Variants in NBEA observed in about 807,000 individuals in gnomAD.
NBEA encodes neurobeachin.
Under a neutral mutation model 343.4 loss-of-function variants are expected in NBEA, and 44 were observed. The ratio of observed to expected loss-of-function variants is 0.13; its 90% CI spans 0.10 to 0.16. The LOEUF (loss-of-function observed/expected upper bound fraction) is 0.16, where lower values mean the gene tolerates loss of function less well. Among genes scored for constraint, NBEA ranks in the 10% least tolerant of loss-of-function variants. The probability of loss-of-function intolerance (pLI) is 1.00; values close to 1 mark genes in which losing one functional copy is unlikely to be tolerated. For missense variants in NBEA, 2,555 were observed against 3,631.3 expected (o/e 0.70, Z 7.62); for synonymous variants, 1,175 against 1,238.7 (o/e 0.95, Z 1.08).
chr13:35,597,238 G>A (rs1042479110), intron 47 of NBEA, among the ~76,000 whole-genome samples: 1 of 152,016 alleles, frequency 6.6e-6, no homozygotes, highest in African/African-American at 2.4e-5. Flanking sequence ...TATACCGTGG[G>A]GTTTTAGTGT....
chr13:34,967,137 TAGAA>T (rs934420720), intron 1 of NBEA, among the ~76,000 whole-genome samples: 2 of 151,830 alleles, frequency 1.3e-5, no homozygotes, highest in African/African-American at 4.8e-5. Flanking sequence ...TTTTTGGTGT[TAGAA>T]AGGTTTGTTA....
rs542439783 is a variant in NBEA, at chr13:35,171,439, G to A, written c.4410G>A (p.Gln1470=). 2.5e-5 allele frequency: 40 copies of A among 1,610,500 alleles called. No individual in the cohort carries two copies. In the African/African-American group the frequency reaches 4.0e-4, roughly 16 times the overall value. The change falls in exon 26 of 59, where the codon CAG becomes CAA. Residue 1470 remains glutamine (Q), a synonymous_variant. Transcript: ENST00000379939. ...KNMSSGGLMR[Q]CLRLVCCVAV... ...TGTCTTCTGGAGGTTTAATGCGACAGTGCCTAAGATTAGGTAAGTCTGTTA... is the reference window on the plus strand; with the variant it reads ...TGTCTTCTGGAGGTTTAATGCGACAATGCCTAAGATTAGGTAAGTCTGTTA...
Position 35,129,332 on chromosome 13 carries a change from G to A in NBEA, c.2336+5758G>A, listed in dbSNP as rs181950952. Among the ~76,000 whole-genome samples the A allele has an allele frequency of 2.4e-4, 37 of 151,904 alleles. 1 individual carries two copies. The East Asian group carries it at 7.2e-3, about 29-fold the overall frequency. On this transcript the variant is annotated intron_variant, in intron 17 of 58. Transcript: ENST00000379939. ...GTCAAAAATCCTATTAAATATATAG[G>A]TGTGCACACAAAAGTAAGGGAAATT...
chr13:35,519,028 C>T (rs2077594617), intron 41 of NBEA, among the ~76,000 whole-genome samples: 1 of 152,194 alleles, frequency 6.6e-6, no homozygotes, highest in Admixed American at 6.5e-5. Context: ...AAAAAGCAAG[C>T]AAACATCAAC....
chr13:35,624,268 T>G (rs2083127051), intron 48 of NBEA, among the ~76,000 whole-genome samples: 2 of 152,182 alleles, frequency 1.3e-5, no homozygotes, highest in Non-Finnish European at 2.9e-5. Flanking sequence ...ATCAGTATCA[T>G]TGTTCTACAT....
At chr13:35,355,712 C>T (rs1162735664) in intron 38 of NBEA, among the ~76,000 whole-genome samples, 1 of 152,140 alleles carries the variant, frequency 6.6e-6, no homozygotes, top group African/African-American at 2.4e-5. Flanking sequence ...TCTAGTCACC[C>T]TGGCTTCTTT....
chr13:35,601,094 T>C (rs1041516919), intron 47 of NBEA, among the ~76,000 whole-genome samples: 5 of 151,894 alleles, frequency 3.3e-5, no homozygotes, highest in African/African-American at 1.2e-4. Context: ...CAAGAATCGC[T>C]TGAACCTGGG....
intron 1 of NBEA, among the ~76,000 whole-genome samples, chr13:35,004,826 G>A (rs2061262970): frequency 6.6e-6 from 1 of 152,126 alleles, no homozygotes; most frequent in Non-Finnish European, 1.5e-5. Context: ...TTGAATTTAA[G>A]CATCGAAAAG....
Position 35,099,662 on chromosome 13 carries a change from C to T in NBEA, c.1680+1257C>T, listed in dbSNP as rs146139307. Reference sequence around the variant, plus strand: ...TTATTTTGTGCTCTTTTTCCCTGCTCTTAATATATATTATTTAAAGTAGTT... The same window carrying T: ...TTATTTTGTGCTCTTTTTCCCTGCTTTTAATATATATTATTTAAAGTAGTT... On this transcript the variant is annotated intron_variant, in intron 11 of 58. Coordinates refer to ENST00000379939, the MANE Select transcript of NBEA (RefSeq NM_001385012.1). Among the ~76,000 whole-genome samples the T allele has an allele frequency of 1.5e-3, 224 of 152,032 alleles. 1 individual carries two copies. The highest frequency in any genetic ancestry group is 4.9e-3 in the African/African-American group (205 of 41,482).
At chr13:35,325,674 C>T (rs750437647) in intron 36 of NBEA, among the ~76,000 whole-genome samples, 6 of 151,958 alleles carry the variant, frequency 3.9e-5, no homozygotes, top group Non-Finnish European at 8.8e-5. Context: ...AATGATTCTC[C>T]AAAATGCAAA....
At chr13:35,108,896 C>G (rs1469419737) in intron 11 of NBEA, among the ~76,000 whole-genome samples, 1 of 152,074 alleles carries the variant, frequency 6.6e-6, no homozygotes, top group Non-Finnish European at 1.5e-5. Flanking sequence ...CAGTATTTTA[C>G]ATATTTTTAA....
At chr13:35,047,681 G>A (rs1041730219) in intron 4 of NBEA, among the ~76,000 whole-genome samples, 2 of 151,642 alleles carry the variant, frequency 1.3e-5, no homozygotes, top group African/African-American at 4.8e-5. Context: ...GTTTGTTGGA[G>A]CCATAGCACG....
rs190475845 is a variant in NBEA at position 35,333,790 on chromosome 13, G to A, written c.5904-15318G>A. Among the ~76,000 whole-genome samples, 12 of 152,170 alleles carry A rather than the reference G, an allele frequency of 7.9e-5. No homozygotes were observed. The East Asian group carries it at 2.3e-3, about 29-fold the overall frequency. ...AGATTTCACAAATGAGTGAGAACAT[G>A]CTGTTTGTCTTTTTCTGTGCCTGTC... On this transcript the variant is annotated intron_variant, in intron 36 of 58. Transcript: ENST00000379939.
At chr13:35,371,835 A>G (rs954819632) in intron 38 of NBEA, among the ~76,000 whole-genome samples, 1 of 152,202 alleles carries the variant, frequency 6.6e-6, no homozygotes, top group Non-Finnish European at 1.5e-5. Flanking sequence ...TTCTGGGTGC[A>G]TGCAGTAGTG....
At chr13:35,658,357 T>G (rs543370084) in intron 55 of NBEA, among the ~76,000 whole-genome samples, 1 of 152,348 alleles carries the variant, frequency 6.6e-6, no homozygotes, top group East Asian at 1.9e-4. Flanking sequence ...ATTAGATATT[T>G]AATGTGAACA....
intron 34 of NBEA, among the ~76,000 whole-genome samples, chr13:35,239,885 C>T (rs1210090816): frequency 6.6e-6 from 1 of 151,764 alleles, no homozygotes; most frequent in Non-Finnish European, 1.5e-5. Context: ...TAATCATTTA[C>T]CTGCAACATT....
At chr13:35,033,373 T>G (rs900523252) in intron 1 of NBEA, among the ~76,000 whole-genome samples, 4 of 152,016 alleles carry the variant, frequency 2.6e-5, no homozygotes, top group African/African-American at 7.2e-5. Flanking sequence ...TGTGTCTGTT[T>G]TTATGCCAGT....
chr13:35,644,256 CA>C (rs2084110060), intron 49 of NBEA, among the ~76,000 whole-genome samples: 1 of 152,154 alleles, frequency 6.6e-6, no homozygotes, highest in African/African-American at 2.4e-5. Context: ...AAGTTAGTCA[CA>C]ATCTCGTCTT....
intron 35 of NBEA, among the ~76,000 whole-genome samples, chr13:35,291,728 A>G (rs2035811667): frequency 6.6e-6 from 1 of 151,874 alleles, no homozygotes; most frequent in Non-Finnish European, 1.5e-5. Context: ...ATTAAGATCT[A>G]GTGTCTTTGA....
Sources: gnomAD v4.1 joint callset for allele counts (sites outside exome capture counted in the v4.1 genomes callset) on GRCh38, gnomAD v4.1.1 for gene constraint, MANE v1.5 for transcripts, NCBI Gene and HGNC (gene_info 2026-07-23, HGNC 2026-07-21) for gene names.